Variants in PSD3 observed in about 807,000 individuals in gnomAD.
PSD3 encodes pleckstrin and Sec7 domain containing 3.
A neutral mutation model predicts 105.5 loss-of-function variants in PSD3; 49 were observed. That is an observed-to-expected ratio of 0.46 (90% confidence interval 0.37 to 0.59). PSD3 has a LOEUF of 0.59. Ranked by LOEUF, PSD3 falls within the 20% of genes least tolerant of loss-of-function variation. PSD3 has a pLI of 0.00. For missense variants in PSD3, 1,561 were observed against 1,263.8 expected (o/e 1.24, Z -3.57); for synonymous variants, 557 against 457.8 (o/e 1.22, Z -2.77).
intron 9 of PSD3, among the ~76,000 whole-genome samples, chr8:18,757,414 A>T (rs954458932): frequency 2.0e-5 from 3 of 152,186 alleles, no homozygotes; most frequent in Admixed American, 6.5e-5. Flanking sequence ...CAGTGAGCAG[A>T]GATCATGCCA....
intron 11 of PSD3, among the ~76,000 whole-genome samples, chr8:18,608,537 C>T (rs1440589252): frequency 6.6e-6 from 1 of 152,186 alleles, no homozygotes; most frequent in Non-Finnish European, 1.5e-5. Flanking sequence ...TTAAATATTA[C>T]AAACCAGTTA....
At chr8:18,971,422 C>A (rs1315555570) in intron 1 of PSD3, among the ~76,000 whole-genome samples, 1 of 152,140 alleles carries the variant, frequency 6.6e-6, no homozygotes, top group Admixed American at 6.5e-5. Context: ...AGGACAATAC[C>A]CCATCAACTG....
At chr8:18,838,185 T>C in intron 4 of PSD3, among the ~76,000 whole-genome samples, 1 of 152,248 alleles carries the variant, frequency 6.6e-6, no homozygotes, top group East Asian at 1.9e-4. Context: ...GTGGGACTTT[T>C]AATTTCTAAA....
At position 18,563,968 on chromosome 8, in the gene PSD3, A is replaced by C. The variant is rs548946358; in HGVS notation, c.2785-7616T>G. 2.0e-5 allele frequency among the ~76,000 whole-genome samples: 3 copies of C among 152,308 alleles called. No homozygotes were observed. In the South Asian group the frequency reaches 6.2e-4, roughly 32 times the overall value. Reference sequence around the variant, plus strand: ...GCCCAGGCAAGATGACCCACTGCAAAGAGTTTTAAAATCAGTATTGAGATA... The same window carrying C: ...GCCCAGGCAAGATGACCCACTGCAACGAGTTTTAAAATCAGTATTGAGATA... On this transcript the variant is annotated intron_variant, in intron 14 of 15. Coordinates refer to ENST00000327040, the MANE Select transcript of PSD3 (RefSeq NM_015310.4).
intron 10 of PSD3, among the ~76,000 whole-genome samples, chr8:18,653,041 G>C (rs548418926): frequency 6.6e-6 from 1 of 152,144 alleles, no homozygotes; most frequent in Non-Finnish European, 1.5e-5. Context: ...GATTGAACAG[G>C]ATGATAACAG....
chr8:18,793,609 A>G (rs1051991225), intron 8 of PSD3, among the ~76,000 whole-genome samples: 2 of 152,244 alleles, frequency 1.3e-5, no homozygotes, highest in Non-Finnish European at 2.9e-5. Context: ...GTGCTAGCAC[A>G]GTAGAAATTA....
intron 10 of PSD3, among the ~76,000 whole-genome samples, chr8:18,636,032 C>A (rs1449671663): frequency 2.6e-5 from 4 of 152,048 alleles, no homozygotes; most frequent in Non-Finnish European, 5.9e-5. Context: ...AGGTTCTGCA[C>A]ATGTATCCCA....
chr8:19,009,514 A>G (rs986117781), intron 1 of PSD3, among the ~76,000 whole-genome samples: 1 of 152,106 alleles, frequency 6.6e-6, no homozygotes, highest in African/African-American at 2.4e-5. Flanking sequence ...AGACAACCCA[A>G]GTAAGAACTC....
chr8:19,048,661 T>C (rs1360698482), intron 1 of PSD3, among the ~76,000 whole-genome samples: 1 of 152,200 alleles, frequency 6.6e-6, no homozygotes, highest in Non-Finnish European at 1.5e-5. Context: ...ACTTTGCCTG[T>C]GAAGCAGTAA....
At position 18,827,823 on chromosome 8, in the gene PSD3, T is replaced by C. The variant is rs76944934; in HGVS notation, c.1635-22925A>G. On this transcript the variant is annotated intron_variant, in intron 4 of 15. Transcript: ENST00000327040. ...GATGAAGAAGAGGGAGGACTCAAGG[T>C]AGACTTCAAGGTTTCTGACTTGAAC... Among the ~76,000 whole-genome samples, 1,179 of 151,528 alleles carry C rather than the reference T, an allele frequency of 7.8e-3. 14 individuals are homozygous for C. The highest frequency in any genetic ancestry group is 0.028 in the African/African-American group (1,141 of 41,302).
Position 18,872,204 on chromosome 8 carries a change from C to T in PSD3, c.660G>A (p.Leu220=), listed in dbSNP as rs1045010940. ...YLSIQKDLTA[L]LTGDTQAEIS... ...TCTCTGCCTGAGTGTCTCCAGTTAA[C>T]AGCGCGGTGAGATCTTTCTGGATGC... Residue 220 remains leucine, a synonymous_variant, in exon 3 of 16, where the codon CTG becomes CTA. Coordinates refer to ENST00000327040, the MANE Select transcript of PSD3 (RefSeq NM_015310.4). 8 of 1,614,200 alleles carry T rather than the reference C, an allele frequency of 5.0e-6. No individual in the cohort carries two copies. The highest frequency in any genetic ancestry group is 1.7e-6 in the Non-Finnish European group (2 of 1,180,024).
Position 18,802,005 on chromosome 8 carries a change from T to C in PSD3, c.1911-623A>G, listed in dbSNP as rs115414632. Among the ~76,000 whole-genome samples, 471 of 152,254 alleles carry C rather than the reference T, an allele frequency of 3.1e-3. 1 individual carries two copies. The highest frequency in any genetic ancestry group is 0.025 in the East Asian group (131 of 5,180). ...CCGCTTAAGACTCAATACATCATCA[T>C]AAAGGCTATGTTTTAAAACTCTACA... is the stretch of plus-strand genomic sequence containing the variant. On this transcript the variant is annotated intron_variant, in intron 6 of 15. Coordinates refer to ENST00000327040, the MANE Select transcript of PSD3 (RefSeq NM_015310.4).
intron 14 of PSD3, among the ~76,000 whole-genome samples, chr8:18,564,572 T>G (rs138377260): frequency 0.063 from 9,372 of 148,572 alleles, 379 homozygotes; most frequent in African/African-American, 0.12. Flanking sequence ...GAGGTTGCAG[T>G]GAGCCAAGAT....
intron 2 of PSD3, among the ~76,000 whole-genome samples, chr8:18,910,352 T>C (rs1820127698): frequency 7.6e-6 from 1 of 131,364 alleles, no homozygotes; most frequent in Non-Finnish European, 1.6e-5. Flanking sequence ...ATGGATGAAA[T>C]TGGAAACCAT....
intron 2 of PSD3, among the ~76,000 whole-genome samples, chr8:18,907,796 G>C (rs1021412568): frequency 6.6e-6 from 1 of 152,168 alleles, no homozygotes; most frequent in Non-Finnish European, 1.5e-5. Flanking sequence ...TACAACAACA[G>C]ACAAATAACA....
chr8:18,920,711 C>A (rs969030364), intron 2 of PSD3, among the ~76,000 whole-genome samples: 2 of 152,158 alleles, frequency 1.3e-5, no homozygotes, highest in African/African-American at 4.8e-5. Flanking sequence ...CGAGGCCATA[C>A]AGAATGTAGA....
intron 8 of PSD3, 21 bp downstream of exon 8, chr8:18,799,274 G>C: frequency 6.3e-7 from 1 of 1,581,322 alleles, no homozygotes; most frequent in Non-Finnish European, 8.7e-7. Flanking sequence ...TTGGATCTAA[G>C]TTTCACAAAT....
intron 15 of PSD3, among the ~76,000 whole-genome samples, chr8:18,541,185 C>G (rs867784911): frequency 1.3e-5 from 2 of 150,818 alleles, no homozygotes; most frequent in Non-Finnish European, 2.9e-5. Flanking sequence ...TTTTGATTTC[C>G]TCCTTTGCCC....
chr8:18,808,686 T>G (rs891941998), intron 4 of PSD3: 92 of 1,598,002 alleles, frequency 5.8e-5, no homozygotes, highest in Non-Finnish European at 7.6e-5. Context: ...AGGAGATTAT[T>G]TGAACAAGAA....
Sources: gnomAD v4.1 joint callset for allele counts (sites outside exome capture counted in the v4.1 genomes callset) on GRCh38, gnomAD v4.1.1 for gene constraint, MANE v1.5 for transcripts, NCBI Gene and HGNC (gene_info 2026-07-23, HGNC 2026-07-21) for gene names.